SYCP2: variants seen among roughly 807,000 people sequenced by gnomAD.
SYCP2 encodes synaptonemal complex lateral element protein.
Under a neutral mutation model 211.3 loss-of-function variants are expected in SYCP2, and 55 were observed. The observed-to-expected ratio is 0.26, with a 90% confidence interval of 0.21 to 0.33. SYCP2 has a LOEUF of 0.33. SYCP2 is among the 10% of genes least tolerant of loss of function. SYCP2 has a pLI of 1.00. For missense variants in SYCP2, 1,731 were observed against 1,752.0 expected, an observed-to-expected ratio of 0.99 and a Z score of 0.21; for synonymous variants, 570 against 555.2, an observed-to-expected ratio of 1.03 and a Z score of -0.37.
intron 7 of SYCP2, among the ~76,000 whole-genome samples, chr20:59,918,881 A>G (rs1369738077): frequency 1.3e-5 from 2 of 152,130 alleles, no homozygotes; most frequent in Non-Finnish European, 2.9e-5. Context: ...AAAATTGTAC[A>G]ACTATTATAT....
Position 59,865,854 on chromosome 20 carries a change from T to G in SYCP2, c.4332A>C (p.Glu1444Asp). 1 of 1,402,818 alleles carries G rather than the reference T, an allele frequency of 7.1e-7. No homozygotes were observed. The highest frequency in any genetic ancestry group is 1.7e-5 in the South Asian group (1 of 59,136). 86.9% of individuals were successfully genotyped at this position (1,402,818 alleles called of 1,614,324 possible). A position where few individuals can be genotyped will look rare whatever the true frequency, so the allele number is the denominator to read the frequency against. The change falls in exon 42 of 45, where the codon GAA becomes GAC. Residue 1444 changes from glutamate to aspartate, a missense_variant. Transcript: ENST00000357552. ...ATGCACTGAACTTCTGAAATATCTT[T>G]TCCCAAAAGTCCTAAATTAATTAAT... ...DLEKEFVDFW[E>D]KIFQKFSAYQ...
chr20:59,896,382 C>A, intron 19 of SYCP2, 47 bp downstream of exon 19: 4 of 1,067,366 alleles, frequency 3.7e-6, no homozygotes, highest in South Asian at 2.9e-5. Flanking sequence ...TAAAAAATGC[C>A]TCCTTTAAAA....
At chr20:59,874,928 T>C (rs1027409288) in intron 34 of SYCP2, among the ~76,000 whole-genome samples, 7 of 151,964 alleles carry the variant, frequency 4.6e-5, no homozygotes, top group African/African-American at 1.4e-4. Flanking sequence ...AACAGAATTC[T>C]CCAAAAATTC....
intron 33 of SYCP2, 57 bp downstream of exon 33, chr20:59,877,328 T>TC: frequency 1.1e-5 from 13 of 1,182,348 alleles, no homozygotes; most frequent in Non-Finnish European, 1.5e-5. Context: ...TTTACAAAAA[T>TC]ATATATTTAG....
intron 35 of SYCP2, among the ~76,000 whole-genome samples, chr20:59,872,887 T>C (rs571461185): frequency 3.9e-5 from 6 of 152,186 alleles, no homozygotes; most frequent in African/African-American, 1.2e-4. Context: ...ACAAAGTAAA[T>C]TGATAATTTA....
intron 8 of SYCP2, 40 bp downstream of exon 8, chr20:59,916,446 T>C: frequency 8.4e-7 from 1 of 1,196,294 alleles, no homozygotes; most frequent in Non-Finnish European, 1.2e-6. Flanking sequence ...TTCTTCACGT[T>C]CTCATTTTTA....
intron 38 of SYCP2, 139 bp from the exon 39 acceptor site, chr20:59,867,986 G>A (rs2059384017): frequency 1.6e-6 from 1 of 606,134 alleles, no homozygotes; most frequent in South Asian, 2.7e-5. Context: ...AGGCAGAAGA[G>A]TTCCTTATGT....
chr20:59,868,298 T>A, intron 38 of SYCP2, 115 bp downstream of exon 38: 1 of 1,052,646 alleles, frequency 9.5e-7, no homozygotes, highest in South Asian at 1.5e-5. Context: ...GCATCATCCA[T>A]CTTGGACATA....
Position 59,878,001 on chromosome 20 carries a change from G to T in SYCP2, c.2979+7C>A, listed in dbSNP as rs1438071202. On this transcript the variant is annotated splice_region_variant and intron_variant, in intron 32 of 44. Coordinates refer to ENST00000357552, the MANE Select transcript of SYCP2 (RefSeq NM_014258.4). ...AGGGATGTTTGAACACAAACTTCTTGGCTTACCATTTTAGAGCTTGGCTGT... is the reference window on the plus strand; with the variant it reads ...AGGGATGTTTGAACACAAACTTCTTTGCTTACCATTTTAGAGCTTGGCTGT... The T allele has an allele frequency of 6.3e-7, 1 of 1,598,296 alleles. No individual in the cohort carries two copies. Among genetic ancestry groups the T allele is most frequent in the Non-Finnish European group, 8.5e-7 (1 of 1,170,932 alleles).
In SYCP2 at chr20:59,892,335, C is replaced by G. The variant is rs2059923162; in HGVS notation, c.2019G>C (p.Lys673Asn). The stretch of plus-strand genomic sequence containing the variant: ...TTTTGATATGGTCGGTTTGTTCTTT[C>G]TTATATTTCACTTTTCCTGTTCCTT... ...NSEGTGKVKY[K>N]KEQTDHIKID... Residue 673 changes from lysine (K) to asparagine (N), a missense_variant, in exon 24 of 45, where the codon AAG becomes AAC. Lys to Asn is a moderately conservative substitution (Grantham distance 94). Transcript: ENST00000357552. 6.2e-7 allele frequency: 1 copy of G among 1,606,976 alleles called. No individual in the cohort carries two copies. The highest frequency in any genetic ancestry group is 8.5e-7 in the Non-Finnish European group (1 of 1,175,948).
At chr20:59,896,861 CCTATT>C (rs1440820420) in intron 18 of SYCP2, among the ~76,000 whole-genome samples, 13 of 152,194 alleles carry the variant, frequency 8.5e-5, no homozygotes, top group African/African-American at 2.6e-4. Flanking sequence ...CTTGCAATTT[CCTATT>C]CTATATCATG....
intron 1 of SYCP2, among the ~76,000 whole-genome samples, chr20:59,932,450 T>C (rs2060771629): frequency 6.6e-6 from 1 of 151,966 alleles, no homozygotes; most frequent in South Asian, 2.1e-4. Flanking sequence ...CCGAGGCAGG[T>C]GGATCACCTG....
chr20:59,885,542 T>A (rs2059769706), intron 26 of SYCP2, among the ~76,000 whole-genome samples: 1 of 152,090 alleles, frequency 6.6e-6, no homozygotes, highest in South Asian at 2.1e-4. Flanking sequence ...TAATTTATAT[T>A]ATAAGCCTGG....
At chr20:59,877,734 A>G (rs1323221200) in intron 32 of SYCP2, among the ~76,000 whole-genome samples, 179 bp from the exon 33 acceptor site, 3 of 152,166 alleles carry the variant, frequency 2.0e-5, no homozygotes, top group African/African-American at 7.2e-5. Flanking sequence ...CATCTTTACC[A>G]TCTCTGTATC....
rs1387737036 is a variant in SYCP2, at chr20:59,913,616, AAT to A, written c.830+357_830+358del. ...GATGAAGGAGATGATTCAAGTAATA[AAT>A]ATGTCTAGATTTTTATTATCCCTCA... On this transcript the variant is annotated intron_variant, in intron 12 of 44. Coordinates refer to ENST00000357552, the MANE Select transcript of SYCP2 (RefSeq NM_014258.4). Among the ~76,000 whole-genome samples, 5 of 152,282 alleles carry A rather than the reference AAT, an allele frequency of 3.3e-5. No homozygotes were observed. The South Asian group carries it at 6.2e-4, about 19-fold the overall frequency.
At position 59,911,920 on chromosome 20, in the gene SYCP2, T is replaced by C. The variant is rs2060337507; in HGVS notation, c.877-75A>G. ...ACAGACAATTATGATGTTATATTCA[T>C]GGCTAAAGCAAGAAAACAAAGCTAG... is the stretch of plus-strand genomic sequence containing the variant. On this transcript the variant is annotated intron_variant, in intron 13 of 44. Coordinates refer to ENST00000357552, the MANE Select transcript of SYCP2 (RefSeq NM_014258.4). 2.2e-5 allele frequency: 14 copies of C among 624,518 alleles called. No homozygotes were observed. In the South Asian group the frequency reaches 5.0e-4, roughly 22 times the overall value. 38.7% of individuals were successfully genotyped at this position (624,518 alleles called of 1,614,324 possible).
intron 24 of SYCP2, among the ~76,000 whole-genome samples, chr20:59,890,453 T>C (rs182210385): frequency 1.2e-3 from 187 of 152,062 alleles, no homozygotes; most frequent in African/African-American, 4.3e-3. Flanking sequence ...ATGTAGATGA[T>C]GGGTTGATGG....
Position 59,881,927 on chromosome 20 carries a change from C to T in SYCP2, c.2658+18G>A, listed in dbSNP as rs1402141431. On this transcript the variant is annotated intron_variant, in intron 28 of 44. Coordinates refer to ENST00000357552, the MANE Select transcript of SYCP2 (RefSeq NM_014258.4). ...TAACTTCTGAGTAAATACAAAGTAT[C>T]TTGGTATTTTAGCTTACTCCAAGTT... is the stretch of plus-strand genomic sequence containing the variant. The T allele has an allele frequency of 1.9e-6, 3 of 1,591,796 alleles. No individual in the cohort carries two copies. Among genetic ancestry groups the T allele is most frequent in the African/African-American group, 2.7e-5 (2 of 74,370 alleles).
chr20:59,884,845 G>GA (rs1305757943), intron 26 of SYCP2, among the ~76,000 whole-genome samples: 3 of 151,912 alleles, frequency 2.0e-5, no homozygotes, highest in East Asian at 1.9e-4. Flanking sequence ...AAAATATAGT[G>GA]AAAAAACAGA....
Sources: gnomAD v4.1 joint callset for allele counts (sites outside exome capture counted in the v4.1 genomes callset) on GRCh38, gnomAD v4.1.1 for gene constraint, MANE v1.5 for transcripts, NCBI Gene and HGNC (gene_info 2026-07-23, HGNC 2026-07-21) for gene names.